CD55: variants seen among roughly 807,000 people sequenced by gnomAD.
CD55 encodes the protein complement decay-accelerating factor.
In CD55, 41 loss-of-function variants were observed where a neutral mutation model predicts 45.8. The observed-to-expected ratio is 0.90, with a 90% CI of 0.70 to 1.16. The LOEUF (loss-of-function observed/expected upper bound fraction) is 1.16, where lower values mean the gene tolerates loss of function less well. Ranked by LOEUF, CD55 falls within the 50% of genes most tolerant of loss-of-function variation. The probability of loss-of-function intolerance (pLI) is 0.00; values close to 1 mark genes in which losing one functional copy is unlikely to be tolerated. For synonymous variants in CD55, 181 were observed against 181.1 expected (o/e 1.00, Z 0.01); for missense variants, 416 against 469.8 (o/e 0.89, Z 1.06).
At chr1:207,325,140 G>C (rs1372182888) in intron 3 of CD55, among the ~76,000 whole-genome samples, 1 of 151,976 alleles carries the variant, frequency 6.6e-6, no homozygotes, top group African/African-American at 2.4e-5. Flanking sequence ...ATTGAGAGTA[G>C]CCTGGCCAAC....
intron 6 of CD55, among the ~76,000 whole-genome samples, chr1:207,332,646 A>G (rs1465488637): frequency 6.6e-6 from 1 of 152,148 alleles, no homozygotes; most frequent in Admixed American, 6.5e-5. Flanking sequence ...GATCCAGTTC[A>G]TATTTATTTT....
intron 6 of CD55, among the ~76,000 whole-genome samples, chr1:207,332,555 A>G (rs928472627): frequency 1.3e-5 from 2 of 152,202 alleles, no homozygotes; most frequent in African/African-American, 4.8e-5. Flanking sequence ...AGATTTGACA[A>G]TGTAAATGGT....
intron 6 of CD55, among the ~76,000 whole-genome samples, chr1:207,335,928 C>G (rs571760155): frequency 2.6e-5 from 4 of 152,104 alleles, no homozygotes; most frequent in Non-Finnish European, 5.9e-5. Context: ...GATGAGGAAA[C>G]TATAGCTTAG....
intron 9 of CD55, among the ~76,000 whole-genome samples, chr1:207,343,589 C>G (rs1392575449): frequency 6.6e-6 from 1 of 152,106 alleles, no homozygotes; most frequent in Non-Finnish European, 1.5e-5. Flanking sequence ...GTTTGGTATC[C>G]TAACATATGT....
intron 9 of CD55, among the ~76,000 whole-genome samples, chr1:207,342,820 C>G (rs531864723): frequency 2.4e-4 from 36 of 152,200 alleles, no homozygotes; most frequent in African/African-American, 8.2e-4. Flanking sequence ...TTGAATCCAT[C>G]CAGTCCTGGG....
At chr1:207,325,095 G>A (rs965663845) in intron 3 of CD55, among the ~76,000 whole-genome samples, 5 of 152,124 alleles carry the variant, frequency 3.3e-5, no homozygotes, top group Non-Finnish European at 7.3e-5. Flanking sequence ...AGCACTTTGG[G>A]AGACAGAGGC....
intron 9 of CD55, among the ~76,000 whole-genome samples, chr1:207,352,264 G>A (rs552493445): frequency 9.9e-5 from 15 of 151,316 alleles, no homozygotes; most frequent in African/African-American, 1.7e-4. Context: ...TGGGGGGTGC[G>A]TTAATTCTTG....
intron 9 of CD55, among the ~76,000 whole-genome samples, chr1:207,342,565 T>C (rs982288324): frequency 2.0e-5 from 3 of 152,178 alleles, no homozygotes; most frequent in Non-Finnish European, 4.4e-5. Flanking sequence ...CTTGGCATAC[T>C]AATTTTTTGA....
chr1:207,354,838 A>G (rs959857270), intron 9 of CD55, among the ~76,000 whole-genome samples: 2 of 152,166 alleles, frequency 1.3e-5, no homozygotes, highest in Non-Finnish European at 2.9e-5. Context: ...ATCAGCCTCT[A>G]CACTTTCTTC....
intron 9 of CD55, among the ~76,000 whole-genome samples, chr1:207,353,040 GTTTTTTT>G (rs386369456): frequency 2.5e-4 from 12 of 47,420 alleles, no homozygotes; most frequent in African/African-American, 6.7e-4. Context: ...CTATTACCAG[GTTTTTTT>G]TTTTTTTTTT....
intron 7 of CD55, 131 bp from the exon 8 acceptor site, chr1:207,337,198 C>G: frequency 1.5e-6 from 1 of 675,046 alleles, no homozygotes; most frequent in Admixed American, 2.5e-5. Context: ...CACTAACAGC[C>G]CAAAAATTCA....
At chr1:207,349,923 C>G (rs12094031) in intron 9 of CD55, among the ~76,000 whole-genome samples, 3,585 of 152,202 alleles carry the variant, frequency 0.024, 151 homozygotes, top group African/African-American at 0.082. Context: ...TAATGGACAT[C>G]CTTGTCTTGT....
rs533071469 is a variant in CD55, at chr1:207,340,572, A to T, written c.1081+1155A>T. On this transcript the variant is annotated intron_variant, in intron 9 of 9. Coordinates refer to ENST00000367064, the MANE Select transcript of CD55 (RefSeq NM_000574.5). Reference sequence around the variant, plus strand: ...TTTTTTGTAGAGACAGGATTTTCCTATGTTGCCCAGGCTGGTTTCAAACTC... The same window carrying T: ...TTTTTTGTAGAGACAGGATTTTCCTTTGTTGCCCAGGCTGGTTTCAAACTC... The T allele has an allele frequency of 5.7e-6, 4 of 697,034 alleles. No individual in the cohort carries two copies. The South Asian group carries it at 6.0e-5, about 10-fold the overall frequency. The allele number at this position is 697,034 out of a possible 1,614,324, so 43.2% of individuals were successfully genotyped here.
intron 9 of CD55, among the ~76,000 whole-genome samples, chr1:207,344,333 G>A (rs1655545786): frequency 6.6e-6 from 1 of 152,026 alleles, no homozygotes; most frequent in Admixed American, 6.6e-5. Flanking sequence ...AAATTTCTGT[G>A]TGTTTTCATG....
At chr1:207,332,315 A>G (rs1037064985) in intron 6 of CD55, among the ~76,000 whole-genome samples, 3 of 152,124 alleles carry the variant, frequency 2.0e-5, no homozygotes, top group African/African-American at 4.8e-5. Flanking sequence ...TTTATGAACT[A>G]TTATTACAAA....
intron 2 of CD55, among the ~76,000 whole-genome samples, chr1:207,324,184 G>T (rs1654560837): frequency 6.6e-6 from 1 of 152,158 alleles, no homozygotes; most frequent in South Asian, 2.1e-4. Flanking sequence ...CAGGACATTA[G>T]TCCAGGGGTC....
chr1:207,347,129 T>C (rs923320045), intron 9 of CD55: 1 of 456,164 alleles, frequency 2.2e-6, no homozygotes, highest in Non-Finnish European at 4.4e-6. Context: ...AATTCCTGCT[T>C]AGGTTTCTCT....
At chr1:207,342,277 C>G (rs1224052163) in intron 9 of CD55, among the ~76,000 whole-genome samples, 1 of 151,948 alleles carries the variant, frequency 6.6e-6, no homozygotes, top group African/African-American at 2.4e-5. Context: ...ACTTGGTTCT[C>G]TATGAGCCAA....
At chr1:207,337,270 T>C (rs1161864001) in intron 7 of CD55, 59 bp from the exon 8 acceptor site, 2 of 1,069,120 alleles carry the variant, frequency 1.9e-6, no homozygotes, top group Non-Finnish European at 2.9e-6. Flanking sequence ...CTAATGTACA[T>C]TCCCCAGTGA....
Sources: gnomAD v4.1 joint callset for allele counts (sites outside exome capture counted in the v4.1 genomes callset) on GRCh38, gnomAD v4.1.1 for gene constraint, MANE v1.5 for transcripts, NCBI Gene and HGNC (gene_info 2026-07-23, HGNC 2026-07-21) for gene names.